SRSF11: variants seen among roughly 807,000 people sequenced by gnomAD.
SRSF11 encodes serine/arginine-rich splicing factor 11.
In SRSF11, 9 loss-of-function variants were observed where a neutral mutation model predicts 56.0. That is an observed-to-expected ratio of 0.16 (90% CI 0.10 to 0.28). The LOEUF is 0.28. SRSF11 is among the 10% of genes least tolerant of loss of function. The probability of loss-of-function intolerance (pLI) is 1.00; values close to 1 mark genes in which losing one functional copy is unlikely to be tolerated. For synonymous variants in SRSF11, 222 were observed against 215.3 expected, an observed-to-expected ratio of 1.03 and a Z score of -0.27; for missense variants, 421 against 600.7, an observed-to-expected ratio of 0.70 and a Z score of 3.13.
In SRSF11 at chr1:70,246,853, C is replaced by G. The variant is rs1164054155; in HGVS notation, c.968C>G (p.Ser323Cys). The G allele has an allele frequency of 1.9e-6, 3 of 1,611,342 alleles. No homozygotes were observed. Among genetic ancestry groups the G allele is most frequent in the Non-Finnish European group, 2.5e-6 (3 of 1,178,766 alleles). ...AAAGAAGACAAAGAAAAGAAACGTTCTAAAACACCACCAAAAAGTTACAGC... is the reference window on the plus strand; with the variant it reads ...AAAGAAGACAAAGAAAAGAAACGTTGTAAAACACCACCAAAAAGTTACAGC... ...KKKEDKEKKR[S>C]KTPPKSYSTA... The change falls in exon 9 of 12, where the codon TCT (serine) becomes TGT (cysteine). Residue 323 changes from serine to cysteine, a missense_variant. Physicochemically the swap from Ser to Cys is moderately radical, Grantham distance 112. This residue lies in a region of SRSF11 where 253 missense variants were observed against 305.8 expected (regional missense o/e 0.83). Coordinates refer to ENST00000370949, the MANE Select transcript of SRSF11 (RefSeq NM_001350605.2).
intron 1 of SRSF11, among the ~76,000 whole-genome samples, chr1:70,206,186 C>T (rs1001434392): frequency 1.3e-5 from 2 of 152,186 alleles, no homozygotes; most frequent in African/African-American, 4.8e-5. Context: ...AATAAATGTT[C>T]TGTGTATCAG....
intron 1 of SRSF11, among the ~76,000 whole-genome samples, chr1:70,206,621 T>A (rs1190660875): frequency 6.6e-6 from 1 of 152,110 alleles, no homozygotes; most frequent in Non-Finnish European, 1.5e-5. Flanking sequence ...TGATTTTGTT[T>A]TAAAAGCATA....
At chr1:70,238,193 A>G (rs968468849) in intron 6 of SRSF11, among the ~76,000 whole-genome samples, 3 of 152,214 alleles carry the variant, frequency 2.0e-5, no homozygotes, top group East Asian at 3.9e-4. Flanking sequence ...CTTTATATGT[A>G]TTATGTTATT....
chr1:70,243,793 A>G (rs377090192), intron 7 of SRSF11, among the ~76,000 whole-genome samples: 1 of 152,208 alleles, frequency 6.6e-6, no homozygotes, highest in Non-Finnish European at 1.5e-5. Context: ...GTTAATGCCT[A>G]TAATCCCAAC....
Position 70,251,378 on chromosome 1 carries a change from GT to G in SRSF11, c.*576del, listed in dbSNP as rs2101049180. ...TTGTGGCAAAATTTTTGTGGCTTTT[GT>G]TTAACTTTGAAAGGTTATTATGCAC... On this transcript the variant is annotated 3_prime_UTR_variant, in exon 12 of 12. Transcript: ENST00000370949. 6.5e-6 allele frequency: 1 copy of G among 152,910 alleles called. No individual in the cohort carries two copies. The highest frequency in any genetic ancestry group is 1.9e-4 in the East Asian group (1 of 5,180). The allele number at this position is 152,910 out of a possible 1,614,324, so 9.5% of individuals were successfully genotyped here. A position where few individuals can be genotyped will look rare whatever the true frequency, so the allele number is the denominator to read the frequency against.
intron 1 of SRSF11, among the ~76,000 whole-genome samples, chr1:70,213,327 CTT>C (rs1486453065): frequency 2.6e-5 from 4 of 152,122 alleles, no homozygotes; most frequent in Non-Finnish European, 5.9e-5. Flanking sequence ...ATAGAAGCCA[CTT>C]ATGTTTTTTA....
intron 6 of SRSF11, among the ~76,000 whole-genome samples, chr1:70,238,090 T>A (rs189330573): frequency 6.6e-6 from 1 of 152,318 alleles, no homozygotes; most frequent in Admixed American, 6.5e-5. Context: ...CTTATAAATA[T>A]CTTGTTCATT....
In SRSF11 at chr1:70,246,882, G is replaced by T; in HGVS notation, c.997G>T (p.Ala333Ser). The T allele has an allele frequency of 6.2e-7, 1 of 1,609,052 alleles. No homozygotes were observed. ...AACACCACCAAAAAGTTACAGCACA[G>T]CCAGACGTTCTAGAAGTGCAAGCAG... ...SKTPPKSYST[A>S]RRSRSASRER... The change falls in exon 9 of 12, where the codon GCC (alanine) becomes TCC (serine). Residue 333 changes from alanine (A) to serine (S), a missense_variant. Transcript: ENST00000370949.
intron 7 of SRSF11, among the ~76,000 whole-genome samples, chr1:70,240,635 C>T (rs1359302765): frequency 1.3e-5 from 2 of 152,166 alleles, no homozygotes; most frequent in Non-Finnish European, 2.9e-5. Flanking sequence ...AAACTCAATC[C>T]TAATTGGCCT....
At position 70,252,311 on chromosome 1, in the gene SRSF11, G is replaced by A. The variant is rs907283430; in HGVS notation, c.*1506G>A. 8 of 151,766 alleles carry A rather than the reference G, an allele frequency of 5.3e-5. No homozygotes were observed. Among genetic ancestry groups the A allele is most frequent in the South Asian group, 2.1e-4 (1 of 4,804 alleles). The allele number at this position is 151,766 out of a possible 1,614,324, so 9.4% of individuals were successfully genotyped here. ...CTATATCTAGCAAATTTATATTTTC[G>A]GTGAAATACAGATATTTGCCTTTCT... On this transcript the variant is annotated 3_prime_UTR_variant, in exon 12 of 12. Transcript: ENST00000370949.
intron 9 of SRSF11, 196 bp downstream of exon 9, chr1:70,247,103 A>G (rs1447002635): frequency 8.7e-7 from 1 of 1,153,704 alleles, no homozygotes; most frequent in Non-Finnish European, 1.1e-6. Flanking sequence ...TTTACTTAAT[A>G]TTTTATGGTC....
chr1:70,232,493 C>T, intron 3 of SRSF11, 116 bp downstream of exon 3: 1 of 720,600 alleles, frequency 1.4e-6, no homozygotes, highest in South Asian at 1.9e-5. Context: ...AGCATTATCA[C>T]ATGTCTATAT....
At chr1:70,230,888 G>A (rs1018632101) in intron 2 of SRSF11, 1 of 1,179,970 alleles carries the variant, frequency 8.5e-7, no homozygotes, top group Non-Finnish European at 1.1e-6. Context: ...TAATATTGAT[G>A]CATTACTGCC....
rs1301237237 is a variant in SRSF11, at chr1:70,252,829, A to G, written c.*2024A>G. The G allele has an allele frequency of 6.6e-6, 1 of 152,116 alleles. No individual in the cohort carries two copies. The highest frequency in any genetic ancestry group is 1.5e-5 in the Non-Finnish European group (1 of 67,998). 9.4% of individuals were successfully genotyped at this position (152,116 alleles called of 1,614,324 possible). A position where few individuals can be genotyped will look rare whatever the true frequency, so the allele number is the denominator to read the frequency against. On this transcript the variant is annotated 3_prime_UTR_variant, in exon 12 of 12. Coordinates refer to ENST00000370949, the MANE Select transcript of SRSF11 (RefSeq NM_001350605.2). ...TATACTAGCTTTTCTAAAGGGAATC[A>G]TTTTTTTAAAAGTAGTGCCACTGAC...
In SRSF11 at chr1:70,249,855, T is replaced by C. The variant is rs548281693; in HGVS notation, c.1023-97T>C. Reference sequence around the variant, plus strand: ...GATTATAGGCATGAGCCACTACATCTGGCCACATCTTTCATTGTTAGAATC... The same window carrying C: ...GATTATAGGCATGAGCCACTACATCCGGCCACATCTTTCATTGTTAGAATC... On this transcript the variant is annotated intron_variant, in intron 9 of 11. Transcript: ENST00000370949. The C allele has an allele frequency of 2.3e-6, 3 of 1,323,606 alleles. No individual in the cohort carries two copies. The African/African-American group carries it at 4.3e-5, about 19-fold the overall frequency. 82.0% of individuals were successfully genotyped at this position (1,323,606 alleles called of 1,614,324 possible).
At chr1:70,242,353 C>T (rs191936596) in intron 7 of SRSF11, among the ~76,000 whole-genome samples, 160 of 151,384 alleles carry the variant, frequency 1.1e-3, no homozygotes, top group African/African-American at 3.6e-3. Context: ...TAACCCTCAC[C>T]ACACACACAC....
At chr1:70,208,340 G>A (rs1234285573) in intron 1 of SRSF11, among the ~76,000 whole-genome samples, 1 of 152,048 alleles carries the variant, frequency 6.6e-6, no homozygotes, top group Non-Finnish European at 1.5e-5. Context: ...GTGTGTGTGT[G>A]TGTGTGTGAG....
intron 1 of SRSF11, among the ~76,000 whole-genome samples, chr1:70,223,737 G>A (rs1671142294): frequency 6.6e-6 from 1 of 152,126 alleles, no homozygotes; most frequent in Non-Finnish European, 1.5e-5. Context: ...ACTTGATGTT[G>A]CATTTTGTTT....
Position 70,221,431 on chromosome 1 carries a change from C to T in SRSF11, c.-206C>T. 2 of 628,274 alleles carry T rather than the reference C, an allele frequency of 3.2e-6. No individual in the cohort carries two copies. The highest frequency in any genetic ancestry group is 5.2e-6 in the Non-Finnish European group (2 of 382,046). 38.9% of individuals were successfully genotyped at this position (628,274 alleles called of 1,614,324 possible). A position where few individuals can be genotyped will look rare whatever the true frequency, so the allele number is the denominator to read the frequency against. On this transcript the variant is annotated 5_prime_UTR_variant, in exon 1 of 12. Coordinates refer to ENST00000370949, the MANE Select transcript of SRSF11 (RefSeq NM_001350605.2). ...GCGGCCGTTTGTTTTCTCGTGGTCT[C>T]GAGCTCGCGCGCTCTCATCCCCTCC...
Sources: gnomAD v4.1 joint callset for allele counts (sites outside exome capture counted in the v4.1 genomes callset) on GRCh38, gnomAD v4.1.1 for gene constraint, gnomAD v4.1.1 regional missense constraint, MANE v1.5 for transcripts, NCBI Gene and HGNC (gene_info 2026-07-23, HGNC 2026-07-21) for gene names.